TAF4: variants seen among roughly 807,000 people sequenced by gnomAD.
TAF4 encodes the protein TATA-box binding protein associated factor 4.
A neutral mutation model predicts 90.3 loss-of-function variants in TAF4; 9 were observed. The ratio of observed to expected loss-of-function variants is 0.10; its 90% confidence interval spans 0.06 to 0.17. The LOEUF (loss-of-function observed/expected upper bound fraction) is 0.17, where lower values mean the gene tolerates loss of function less well. Ranked by LOEUF, TAF4 falls within the 10% of genes least tolerant of loss-of-function variation. The pLI, the probability that TAF4 is intolerant of heterozygous loss-of-function variation, is 1.00. For synonymous variants in TAF4, 818 were observed against 638.9 expected (o/e 1.28, Z -4.23); for missense variants, 1,351 against 1,370.7 (o/e 0.99, Z 0.23).
At chr20:62,050,769 G>A (rs1203808700) in intron 1 of TAF4, among the ~76,000 whole-genome samples, 3 of 152,084 alleles carry the variant, frequency 2.0e-5, no homozygotes, top group East Asian at 1.9e-4. Flanking sequence ...AAGAAGTCAC[G>A]GCAGAAAGGA....
chr20:62,013,271 C>T (rs1214068388), intron 2 of TAF4, among the ~76,000 whole-genome samples: 3 of 152,232 alleles, frequency 2.0e-5, no homozygotes, highest in African/African-American at 7.2e-5. Context: ...CAAAGGCAGA[C>T]GGCCAGTCAG....
At chr20:62,001,269 T>C (rs2055700501) in intron 9 of TAF4, among the ~76,000 whole-genome samples, 2 of 152,070 alleles carry the variant, frequency 1.3e-5, no homozygotes, top group South Asian at 4.1e-4. Flanking sequence ...CCCTCCCCCG[T>C]AGGACCCGGT....
intron 14 of TAF4, among the ~76,000 whole-genome samples, chr20:61,987,470 T>A (rs537265967): frequency 3.8e-4 from 58 of 152,204 alleles, no homozygotes; most frequent in African/African-American, 1.4e-3. Context: ...CTCAACAATA[T>A]CAACAATAAG....
In TAF4 at chr20:61,975,947, T is replaced by G; in HGVS notation, c.*221A>C. On this transcript the variant is annotated 3_prime_UTR_variant, in exon 15 of 15. Transcript: ENST00000252996. ...TGGCAGGAAGGCCACTCAATCAAGATGAGTTAAGATTTAATTGTCCTTTAA... is the reference window on the plus strand; with the variant it reads ...TGGCAGGAAGGCCACTCAATCAAGAGGAGTTAAGATTTAATTGTCCTTTAA... 1.9e-6 allele frequency: 1 copy of G among 530,878 alleles called. No individual in the cohort carries two copies. Among genetic ancestry groups the G allele is most frequent in the Non-Finnish European group, 3.3e-6 (1 of 301,572 alleles). 32.9% of individuals were successfully genotyped at this position (530,878 alleles called of 1,614,324 possible). A position where few individuals can be genotyped will look rare whatever the true frequency, so the allele number is the denominator to read the frequency against.
chr20:62,034,914 G>A (rs1458228492), intron 1 of TAF4, among the ~76,000 whole-genome samples: 3 of 150,756 alleles, frequency 2.0e-5, no homozygotes, highest in Admixed American at 6.6e-5. Flanking sequence ...TCCGCCTCCC[G>A]GGTTCACGCC....
intron 1 of TAF4, among the ~76,000 whole-genome samples, chr20:62,061,386 C>T (rs912955424): frequency 3.9e-5 from 6 of 152,202 alleles, no homozygotes; most frequent in Non-Finnish European, 8.8e-5. Flanking sequence ...CCCCCTAGGC[C>T]AAGGGATCAA....
intron 1 of TAF4, among the ~76,000 whole-genome samples, chr20:62,021,164 C>T (rs572710594): frequency 6.6e-6 from 1 of 152,292 alleles, no homozygotes; most frequent in African/African-American, 2.4e-5. Flanking sequence ...GGCCAAACCA[C>T]CCACCAAGGC....
intron 1 of TAF4, among the ~76,000 whole-genome samples, chr20:62,033,683 G>A (rs2055916344): frequency 6.7e-6 from 1 of 150,330 alleles, no homozygotes; most frequent in African/African-American, 2.4e-5. Flanking sequence ...GTTGCAGTGA[G>A]ATGAGATTGT....
intron 14 of TAF4, among the ~76,000 whole-genome samples, chr20:61,978,607 G>A (rs1026833560): frequency 6.6e-6 from 1 of 150,756 alleles, no homozygotes; most frequent in Non-Finnish European, 1.5e-5. Flanking sequence ...AAAGGAGGGG[G>A]CGAGACCAAC....
intron 1 of TAF4, among the ~76,000 whole-genome samples, chr20:62,023,747 C>CAAAAAAAAAAAAAAAAAA (rs59813943): frequency 1.7e-5 from 1 of 59,564 alleles, no homozygotes; most frequent in Non-Finnish European, 2.9e-5. Flanking sequence ...GACTCCATCT[C>CAAAAAAAAAAAAAAAAAA]AAAAAAAAAA....
rs1296813911 is a variant in TAF4 at position 62,065,391 on chromosome 20, C to T, written c.420G>A (p.Val140=). The T allele has an allele frequency of 3.1e-6, 3 of 971,950 alleles. No homozygotes were observed. In the African/African-American group the frequency reaches 5.4e-5, roughly 18 times the overall value. The allele number at this position is 971,950 out of a possible 1,614,324, so 60.2% of individuals were successfully genotyped here. The change falls in exon 1 of 15, where the codon GTG becomes GTA. Residue 140 remains valine, a synonymous_variant. Coordinates refer to ENST00000252996, the MANE Select transcript of TAF4 (RefSeq NM_003185.4). ...CCGCGGCGACGGCGGCGGCGGCGGG[C>T]ACCGGGGCGCAGGACCCCGCGCTGC... The part of the protein sequence containing the change: ...PEGSAGSCAP[V]PAAAAVAAGP...
At chr20:62,015,304 A>G (rs1350912011) in intron 1 of TAF4, among the ~76,000 whole-genome samples, 1 of 152,226 alleles carries the variant, frequency 6.6e-6, no homozygotes, top group African/African-American at 2.4e-5. Flanking sequence ...AGGACAGGAG[A>G]ACCATTTGCC....
intron 1 of TAF4, among the ~76,000 whole-genome samples, chr20:62,042,594 C>T (rs1479194710): frequency 1.3e-5 from 2 of 152,090 alleles, no homozygotes; most frequent in South Asian, 2.1e-4. Context: ...GGCTCCTGCA[C>T]CTGCCCGTCT....
chr20:62,044,404 C>A (rs1229695331), intron 1 of TAF4, among the ~76,000 whole-genome samples: 1 of 152,060 alleles, frequency 6.6e-6, no homozygotes, highest in Non-Finnish European at 1.5e-5. Context: ...ATGTTTTATA[C>A]CCTCAAAATA....
intron 1 of TAF4, among the ~76,000 whole-genome samples, chr20:62,046,525 G>A (rs1303248765): frequency 6.6e-6 from 1 of 152,214 alleles, no homozygotes; most frequent in Non-Finnish European, 1.5e-5. Context: ...TGCATGTGTC[G>A]TGATCCGCTC....
intron 14 of TAF4, among the ~76,000 whole-genome samples, chr20:61,996,566 C>T (rs28742597): frequency 6.6e-6 from 1 of 151,842 alleles, no homozygotes; most frequent in Non-Finnish European, 1.5e-5. Flanking sequence ...TTTGGGAGGC[C>T]GAGGTGGGCA....
At chr20:61,979,646 G>C (rs2055524419) in intron 14 of TAF4, among the ~76,000 whole-genome samples, 1 of 146,718 alleles carries the variant, frequency 6.8e-6, no homozygotes, top group African/African-American at 2.5e-5. Context: ...TGCGGCCCGT[G>C]CAGGCGCCAT....
chr20:62,022,745 G>A (rs567017322), intron 1 of TAF4, among the ~76,000 whole-genome samples: 43 of 152,232 alleles, frequency 2.8e-4, no homozygotes, highest in Admixed American at 8.5e-4. Flanking sequence ...CATAAGGGAC[G>A]GCGCAAAGCA....
rs1600848844 is a variant in TAF4 at position 62,023,685 on chromosome 20, T to C, written c.1361-8978A>G. Among the ~76,000 whole-genome samples the C allele has an allele frequency of 8.4e-5, 11 of 130,288 alleles. 1 individual carries two copies. In the South Asian group the frequency reaches 2.7e-3, roughly 32 times the overall value. The allele number at this position is 130,288 out of a possible 152,430, so 85.5% of individuals were successfully genotyped here. On this transcript the variant is annotated intron_variant, in intron 1 of 14. Transcript: ENST00000252996. Reference sequence around the variant, plus strand: ...ATCGCTTGAAGCCGGGAGGTGGAGGTTGCAGTGAGCCGAGACCATGCCACT... The same window carrying C: ...ATCGCTTGAAGCCGGGAGGTGGAGGCTGCAGTGAGCCGAGACCATGCCACT...
Sources: gnomAD v4.1 joint callset for allele counts (sites outside exome capture counted in the v4.1 genomes callset) on GRCh38, gnomAD v4.1.1 for gene constraint, MANE v1.5 for transcripts, NCBI Gene and HGNC (gene_info 2026-07-23, HGNC 2026-07-21) for gene names.